Variants in PTPRZ1 observed in about 807,000 individuals in gnomAD.
PTPRZ1 encodes receptor-type tyrosine-protein phosphatase zeta.
A neutral mutation model predicts 214.1 loss-of-function variants in PTPRZ1; 82 were observed. That is an observed-to-expected ratio of 0.38 (90% CI 0.32 to 0.46). The LOEUF is 0.46. PTPRZ1 is among the 20% of genes least tolerant of loss of function. PTPRZ1 has a pLI of 1.00. For missense variants in PTPRZ1, 2,603 were observed against 2,748.7 expected (o/e 0.95, Z 1.19); for synonymous variants, 945 against 987.9 (o/e 0.96, Z 0.81).
At chr7:121,944,202 A>G (rs1796309648) in intron 2 of PTPRZ1, among the ~76,000 whole-genome samples, 3 of 152,114 alleles carry the variant, frequency 2.0e-5, no homozygotes, top group Admixed American at 1.3e-4. Context: ...TCTGGCTGTA[A>G]GTTATCTTTA....
chr7:121,921,368 T>C lies in PTPRZ1; in HGVS notation c.59-6788T>C, dbSNP rs549391079. ...AAATCTAATTGCTCACCTTTGAGAC[T>C]CTCCTTGGTCCTGTGAGACATATGC... On this transcript the variant is annotated intron_variant, in intron 1 of 29. Coordinates refer to ENST00000393386, the MANE Select transcript of PTPRZ1 (RefSeq NM_002851.3). Among the ~76,000 whole-genome samples, 6 of 152,264 alleles carry C rather than the reference T, an allele frequency of 3.9e-5. No homozygotes were observed. The East Asian group carries it at 5.8e-4, about 15-fold the overall frequency.
intron 2 of PTPRZ1, among the ~76,000 whole-genome samples, chr7:121,939,553 A>T (rs1796182647): frequency 1.3e-5 from 2 of 152,260 alleles, no homozygotes; most frequent in Admixed American, 6.5e-5. Flanking sequence ...TAACATACTC[A>T]TATATCATTC....
At chr7:121,927,878 C>A (rs1055505601) in intron 1 of PTPRZ1, among the ~76,000 whole-genome samples, 6 of 152,120 alleles carry the variant, frequency 3.9e-5, no homozygotes, top group Non-Finnish European at 4.4e-5. Flanking sequence ...GGGGCTGAAC[C>A]CCTCTAAGCT....
chr7:122,038,839 C>T lies in PTPRZ1; in HGVS notation c.5452C>T (p.His1818Tyr). The T allele has an allele frequency of 6.2e-7, 1 of 1,613,626 alleles. No homozygotes were observed. The highest frequency in any genetic ancestry group is 8.5e-7 in the Non-Finnish European group (1 of 1,179,766). ...AGATTTCTGGAGAATGATATGGGAA[C>T]ATAATGTGGAAGTTATTGTCATGAT... ...AEDFWRMIWEHNVEVIVMITN... is the reference protein window; with the variant it reads ...AEDFWRMIWEYNVEVIVMITN... The change falls in exon 19 of 30, where the codon CAT (histidine) becomes TAT (tyrosine). Residue 1818 changes from histidine to tyrosine, a missense_variant. By Grantham distance (83) the His-to-Tyr change is moderately conservative. Coordinates refer to ENST00000393386, the MANE Select transcript of PTPRZ1 (RefSeq NM_002851.3).
chr7:122,035,814 G>C (rs1277581001), intron 17 of PTPRZ1, among the ~76,000 whole-genome samples: 1 of 152,262 alleles, frequency 6.6e-6, no homozygotes, highest in Admixed American at 6.5e-5. Flanking sequence ...CAGTGAAACT[G>C]CCATGTTTCC....
intron 1 of PTPRZ1, among the ~76,000 whole-genome samples, chr7:121,887,475 A>T (rs1267397572): frequency 6.6e-6 from 1 of 152,140 alleles, no homozygotes; most frequent in Non-Finnish European, 1.5e-5. Flanking sequence ...ATTTTAAAAA[A>T]AGGTAAACAG....
intron 1 of PTPRZ1, among the ~76,000 whole-genome samples, chr7:121,907,233 C>T (rs1795143538): frequency 6.6e-6 from 1 of 151,938 alleles, no homozygotes; most frequent in Non-Finnish European, 1.5e-5. Flanking sequence ...TATGTAGTGA[C>T]AAGTCTAGAA....
intron 8 of PTPRZ1, among the ~76,000 whole-genome samples, chr7:121,987,909 T>A (rs1797811104): frequency 6.6e-6 from 1 of 152,190 alleles, no homozygotes; most frequent in Non-Finnish European, 1.5e-5. Context: ...CTAAGTGAAC[T>A]AATGCAGGGA....
intron 18 of PTPRZ1, among the ~76,000 whole-genome samples, chr7:122,036,919 G>C (rs1799561221): frequency 6.6e-6 from 1 of 152,204 alleles, no homozygotes; most frequent in African/African-American, 2.4e-5. Context: ...AGGAATTCAT[G>C]ATGGGAGTGT....
chr7:122,019,380 C>T, intron 13 of PTPRZ1, 112 bp downstream of exon 13: 1 of 1,069,552 alleles, frequency 9.3e-7, no homozygotes, highest in South Asian at 1.5e-5. Context: ...CTGAGAGCTG[C>T]CATTAATTTA....
intron 1 of PTPRZ1, among the ~76,000 whole-genome samples, chr7:121,877,962 AT>A (rs1388085650): frequency 6.6e-6 from 1 of 150,584 alleles, no homozygotes; most frequent in African/African-American, 2.4e-5. Context: ...ATATATATAT[AT>A]GTGTTTGTGT....
Position 122,061,039 on chromosome 7 carries a change from C to A in PTPRZ1, c.6808-41C>A, listed in dbSNP as rs1204814699. On this transcript the variant is annotated intron_variant, in intron 29 of 29. Coordinates refer to ENST00000393386, the MANE Select transcript of PTPRZ1 (RefSeq NM_002851.3). The stretch of plus-strand genomic sequence containing the variant: ...TTCTTTTTACAAATGTATGTCTTCA[C>A]TGAGCTTCGCATTTATTACCTCCCA... 10 of 1,539,560 alleles carry A rather than the reference C, an allele frequency of 6.5e-6. No homozygotes were observed. In the African/African-American group the frequency reaches 9.7e-5, roughly 15 times the overall value.
intron 13 of PTPRZ1, among the ~76,000 whole-genome samples, chr7:122,023,745 AATT>A (rs1334619641): frequency 1.4e-4 from 19 of 135,786 alleles, no homozygotes; most frequent in Middle Eastern, 3.7e-3. Flanking sequence ...TTTTATATAT[AATT>A]ATATATATAA....
intron 6 of PTPRZ1, among the ~76,000 whole-genome samples, chr7:121,977,317 T>A (rs938720066): frequency 6.6e-6 from 1 of 152,180 alleles, no homozygotes; most frequent in Non-Finnish European, 1.5e-5. Flanking sequence ...GGAGATGAGA[T>A]TTTTGGAAGA....
intron 2 of PTPRZ1, among the ~76,000 whole-genome samples, chr7:121,954,901 G>A (rs1421794451): frequency 1.3e-5 from 2 of 152,214 alleles, no homozygotes; most frequent in Non-Finnish European, 2.9e-5. Context: ...TTCCTTGAAT[G>A]TGACCAGTAA....
chr7:122,001,720 T>G (rs1181616058), intron 10 of PTPRZ1, among the ~76,000 whole-genome samples: 2 of 152,332 alleles, frequency 1.3e-5, no homozygotes, highest in East Asian at 3.9e-4. Flanking sequence ...TATAGAAAAT[T>G]AATGTGTTCC....
chr7:121,978,945 G>A (rs1797521996), intron 6 of PTPRZ1, among the ~76,000 whole-genome samples: 1 of 151,862 alleles, frequency 6.6e-6, no homozygotes, highest in African/African-American at 2.4e-5. Flanking sequence ...CCCCCATATT[G>A]GCAATCAGAC....
In PTPRZ1 at chr7:121,928,241, A is replaced by T; in HGVS notation, c.124+20A>T. Reference sequence around the variant, plus strand: ...ATACAGGTAAACATATTACTTATATAATGAGATTTAGCAGAAACTTTTATT... The same window carrying T: ...ATACAGGTAAACATATTACTTATATTATGAGATTTAGCAGAAACTTTTATT... On this transcript the variant is annotated intron_variant, in intron 2 of 29. Coordinates refer to ENST00000393386, the MANE Select transcript of PTPRZ1 (RefSeq NM_002851.3). 6.4e-7 allele frequency: 1 copy of T among 1,552,486 alleles called. No individual in the cohort carries two copies. Among genetic ancestry groups the T allele is most frequent in the Non-Finnish European group, 8.8e-7 (1 of 1,136,084 alleles).
Position 122,011,980 on chromosome 7 carries a change from C to G in PTPRZ1, c.2934C>G (p.Thr978=), listed in dbSNP as rs377203515. 3.1e-6 allele frequency: 5 copies of G among 1,614,132 alleles called. No homozygotes were observed. The highest frequency in any genetic ancestry group is 2.7e-5 in the African/African-American group (2 of 75,036). The change falls in exon 12 of 30, where the codon ACC becomes ACG. Residue 978 remains threonine, a synonymous_variant. Transcript: ENST00000393386. The part of the protein sequence containing the change: ...HIPIPKSSLI[T]PTASLLQPTH... The stretch of plus-strand genomic sequence containing the variant: ...CAATACCTAAGTCTTCGTTAATAAC[C>G]CCAACTGCATCATTACTGCAGCCTA...
Sources: allele counts gnomAD v4.1 joint callset (sites outside exome capture counted in the v4.1 genomes callset), GRCh38; gene constraint gnomAD v4.1.1; transcripts MANE v1.5; gene names NCBI Gene and HGNC (gene_info 2026-07-23, HGNC 2026-07-21).